RNF170: variants seen among roughly 807,000 people sequenced by gnomAD.
The protein encoded by RNF170 is E3 ubiquitin-protein ligase RNF170.
Under a neutral mutation model 32.7 loss-of-function variants are expected in RNF170, and 12 were observed. The observed-to-expected ratio is 0.37, with a 90% CI of 0.24 to 0.60. The LOEUF (loss-of-function observed/expected upper bound fraction) is 0.60, where lower values mean the gene tolerates loss of function less well. Among genes scored for constraint, RNF170 ranks in the 20% least tolerant of loss-of-function variants. The pLI is 0.72. For synonymous variants in RNF170, 91 were observed against 103.6 expected (o/e 0.88, Z 0.74); for missense variants, 212 against 311.2 (o/e 0.68, Z 2.40).
intron 3 of RNF170, 93 bp from the exon 4 acceptor site, chr8:42,870,205 G>A (rs1416953794): frequency 8.2e-6 from 7 of 850,306 alleles, no homozygotes; most frequent in Non-Finnish European, 1.4e-5. Flanking sequence ...AGAGTCAGCA[G>A]TGTGTAACCC....
At chr8:42,868,803 G>T (rs1370320321) in intron 4 of RNF170, among the ~76,000 whole-genome samples, 1 of 147,400 alleles carries the variant, frequency 6.8e-6, no homozygotes, top group Admixed American at 6.9e-5. Flanking sequence ...AGTGAGCAGA[G>T]ATCGCACCAT....
At chr8:42,857,160 C>G (rs1253408023) in intron 6 of RNF170, among the ~76,000 whole-genome samples, 2 of 152,210 alleles carry the variant, frequency 1.3e-5, no homozygotes, top group Non-Finnish European at 2.9e-5. Flanking sequence ...CACGCAAACT[C>G]TAGATAGGCG....
At chr8:42,863,510 C>T (rs889485009) in intron 5 of RNF170, among the ~76,000 whole-genome samples, 4 of 152,152 alleles carry the variant, frequency 2.6e-5, no homozygotes, top group African/African-American at 4.8e-5. Context: ...GACACCACCT[C>T]GGCTCACTGC....
chr8:42,855,447 G>C lies in RNF170; in HGVS notation c.*712C>G. On this transcript the variant is annotated 3_prime_UTR_variant, in exon 7 of 7. Coordinates refer to ENST00000527424, the MANE Select transcript of RNF170 (RefSeq NM_030954.4). The stretch of plus-strand genomic sequence containing the variant: ...AGGATGGTCCTGATCTCCTGACCTT[G>C]TGATCTACCCGCCTCAGCCTCCCAA... 1 of 841,810 alleles carries C rather than the reference G, an allele frequency of 1.2e-6. No homozygotes were observed. The highest frequency in any genetic ancestry group is 1.7e-6 in the Non-Finnish European group (1 of 584,828). 52.1% of individuals were successfully genotyped at this position (841,810 alleles called of 1,614,324 possible).
At chr8:42,895,888 GGC>G (rs1806777186) in intron 1 of RNF170, among the ~76,000 whole-genome samples, 1 of 152,214 alleles carries the variant, frequency 6.6e-6, no homozygotes, top group Non-Finnish European at 1.5e-5. Flanking sequence ...AGGAGCACAG[GGC>G]ATGGGTGAGA....
intron 2 of RNF170, among the ~76,000 whole-genome samples, chr8:42,884,678 A>G (rs938557952): frequency 1.1e-4 from 16 of 151,592 alleles, no homozygotes; most frequent in African/African-American, 3.9e-4. Context: ...CATCTACAAT[A>G]TACAATTGCC....
intron 2 of RNF170, among the ~76,000 whole-genome samples, chr8:42,886,435 T>C (rs1805831870): frequency 6.6e-6 from 1 of 152,178 alleles, no homozygotes; most frequent in African/African-American, 2.4e-5. Context: ...CTCTGGATTA[T>C]CACTCTATAA....
At chr8:42,857,922 C>T (rs184200723) in intron 6 of RNF170, among the ~76,000 whole-genome samples, 2 of 152,286 alleles carry the variant, frequency 1.3e-5, no homozygotes, top group African/African-American at 4.8e-5. Context: ...GTAATCCCAG[C>T]TAGTCAGGTG....
intron 1 of RNF170, among the ~76,000 whole-genome samples, chr8:42,890,633 A>G (rs765315719): frequency 6.6e-6 from 1 of 152,218 alleles, no homozygotes; most frequent in African/African-American, 2.4e-5. Flanking sequence ...TCAGAGATCC[A>G]GGATATTTAA....
chr8:42,894,568 ATTTT>A (rs952376864), intron 1 of RNF170, among the ~76,000 whole-genome samples: 1 of 150,750 alleles, frequency 6.6e-6, no homozygotes, highest in African/African-American at 2.4e-5. Context: ...CACATGTGTA[ATTTT>A]TTTTTTCTTT....
upstream of RNF170, chr8:42,896,683 T>C (rs1288220218): frequency 4.7e-6 from 2 of 422,384 alleles, no homozygotes; most frequent in Admixed American, 2.5e-5. Flanking sequence ...CGCCGCAGCC[T>C]CCAGGGCGGA....
chr8:42,851,263 A>T (rs1363546172), downstream of RNF170, among the ~76,000 whole-genome samples: 1 of 152,216 alleles, frequency 6.6e-6, no homozygotes, highest in African/African-American at 2.4e-5. Context: ...ATAGATGGTT[A>T]TAAGAGTAAG....
chr8:42,895,993 G>T (rs925106460), intron 1 of RNF170, among the ~76,000 whole-genome samples: 4 of 152,060 alleles, frequency 2.6e-5, no homozygotes, highest in Non-Finnish European at 5.9e-5. Flanking sequence ...ACTTTTCTGC[G>T]TATGCTATAT....
At chr8:42,853,088 T>TG (rs1439672340), downstream of RNF170, among the ~76,000 whole-genome samples, 1 of 151,950 alleles carries the variant, frequency 6.6e-6, no homozygotes, top group Non-Finnish European at 1.5e-5. Context: ...ATTGTAACAC[T>TG]GCACTCCAAC....
chr8:42,857,872 TAAAAATAC>T (rs1247203806), intron 6 of RNF170, among the ~76,000 whole-genome samples: 9 of 152,042 alleles, frequency 5.9e-5, no homozygotes, highest in African/African-American at 2.2e-4. Context: ...CCGTCTCTAC[TAAAAATAC>T]AAAAATTAGC....
intron 2 of RNF170, among the ~76,000 whole-genome samples, chr8:42,886,419 C>A (rs1216022734): frequency 6.6e-6 from 1 of 152,076 alleles, no homozygotes; most frequent in Non-Finnish European, 1.5e-5. Flanking sequence ...TCACCAGTAT[C>A]AATCACTCTG....
intron 1 of RNF170, among the ~76,000 whole-genome samples, chr8:42,890,468 G>A (rs1806209636): frequency 6.6e-6 from 1 of 151,722 alleles, no homozygotes. Context: ...TAGTAGAGAT[G>A]GGGTTTCACT....
intron 1 of RNF170, among the ~76,000 whole-genome samples, chr8:42,894,641 T>C (rs1806602347): frequency 6.6e-6 from 1 of 152,176 alleles, no homozygotes; most frequent in Admixed American, 6.5e-5. Context: ...CTCGGCTCAC[T>C]GCAACCTCAG....
chr8:42,852,576 C>G (rs907271131), downstream of RNF170, among the ~76,000 whole-genome samples: 1 of 152,022 alleles, frequency 6.6e-6, no homozygotes, highest in Non-Finnish European at 1.5e-5. Context: ...TGCCACCACA[C>G]CTGGCTAATT....
Sources: gnomAD v4.1 joint callset for allele counts (sites outside exome capture counted in the v4.1 genomes callset) on GRCh38, gnomAD v4.1.1 for gene constraint, MANE v1.5 for transcripts, NCBI Gene and HGNC (gene_info 2026-07-23, HGNC 2026-07-21) for gene names.